CARMIL1: variants seen among roughly 807,000 people sequenced by gnomAD.
CARMIL1 encodes the protein F-actin-uncapping protein LRRC16A.
Under a neutral mutation model 177.1 loss-of-function variants are expected in CARMIL1, and 90 were observed. The observed-to-expected ratio is 0.51, with a 90% CI of 0.43 to 0.61. The LOEUF is 0.61. Ranked by LOEUF, CARMIL1 falls within the 20% of genes least tolerant of loss-of-function variation. The pLI is 0.00. For missense variants in CARMIL1, 1,380 were observed against 1,667.0 expected (o/e 0.83, Z 3.00); for synonymous variants, 577 against 606.2 (o/e 0.95, Z 0.71).
At chr6:25,432,294 T>A (rs1303998802) in intron 4 of CARMIL1, among the ~76,000 whole-genome samples, 1 of 152,210 alleles carries the variant, frequency 6.6e-6, no homozygotes. Context: ...GATTAGGAAT[T>A]CTTTTGTAAT....
intron 22 of CARMIL1, 34 bp downstream of exon 22, chr6:25,517,449 TAAAA>T: frequency 1.3e-6 from 2 of 1,562,716 alleles, no homozygotes; most frequent in Non-Finnish European, 1.8e-6. Context: ...TCTAGGAAAA[TAAAA>T]AAACAAAAAC....
chr6:25,423,804 G>C (rs1796065130), intron 3 of CARMIL1, among the ~76,000 whole-genome samples: 1 of 152,154 alleles, frequency 6.6e-6, no homozygotes. Flanking sequence ...ACTAATTTCT[G>C]TGGTGATATT....
At chr6:25,505,810 G>T (rs562436965) in intron 17 of CARMIL1, among the ~76,000 whole-genome samples, 54 of 152,190 alleles carry the variant, frequency 3.5e-4, no homozygotes, top group African/African-American at 1.2e-3. Flanking sequence ...ATTAAGAGAA[G>T]AATTGGTAAA....
intron 36 of CARMIL1, among the ~76,000 whole-genome samples, chr6:25,614,948 A>G (rs1409348579): frequency 6.6e-6 from 1 of 152,252 alleles, no homozygotes; most frequent in Non-Finnish European, 1.5e-5. Flanking sequence ...ATGGAACTAA[A>G]TAGGACCATC....
intron 29 of CARMIL1, among the ~76,000 whole-genome samples, chr6:25,559,048 G>A (rs1434841488): frequency 6.6e-6 from 1 of 152,074 alleles, no homozygotes; most frequent in African/African-American, 2.4e-5. Context: ...TTATACTATT[G>A]ATAATAATTT....
At chr6:25,345,818 T>C (rs139358959) in intron 2 of CARMIL1, among the ~76,000 whole-genome samples, 52 of 152,286 alleles carry the variant, frequency 3.4e-4, no homozygotes, top group African/African-American at 1.2e-3. Context: ...GGTTTCGCCA[T>C]GTTGGCTAGG....
chr6:25,597,119 G>A (rs961880612), intron 32 of CARMIL1, among the ~76,000 whole-genome samples: 1 of 152,152 alleles, frequency 6.6e-6, no homozygotes, highest in African/African-American at 2.4e-5. Context: ...GCAGAGAAGT[G>A]AAAGGAGAAT....
chr6:25,591,460 G>C (rs1814293990), intron 31 of CARMIL1, among the ~76,000 whole-genome samples: 1 of 152,304 alleles, frequency 6.6e-6, no homozygotes, highest in South Asian at 2.1e-4. Flanking sequence ...TCACGGCTGA[G>C]GTTTTTGCTC....
chr6:25,421,687 C>T (rs1366704659), intron 3 of CARMIL1, among the ~76,000 whole-genome samples: 15 of 71,744 alleles, frequency 2.1e-4, no homozygotes, highest in East Asian at 4.7e-4. Flanking sequence ...TGGAATACTA[C>T]GCAGCCATAA....
chr6:25,476,624 A>T (rs968182114), intron 11 of CARMIL1, among the ~76,000 whole-genome samples: 23 of 152,176 alleles, frequency 1.5e-4, no homozygotes, highest in Admixed American at 1.2e-3. Flanking sequence ...AGTGTAAAAT[A>T]TTTATTGAAA....
At chr6:25,614,035 T>C (rs578205278) in intron 36 of CARMIL1, among the ~76,000 whole-genome samples, 1 of 152,346 alleles carries the variant, frequency 6.6e-6, no homozygotes, top group South Asian at 2.1e-4. Context: ...AAACTTCTTA[T>C]GATACACTTC....
intron 2 of CARMIL1, among the ~76,000 whole-genome samples, chr6:25,405,331 A>G (rs938782355): frequency 6.6e-6 from 1 of 152,206 alleles, no homozygotes; most frequent in Non-Finnish European, 1.5e-5. Context: ...CATTGCCACT[A>G]AAATAATATA....
chr6:25,457,694 G>A (rs529132783), intron 8 of CARMIL1, among the ~76,000 whole-genome samples: 1 of 152,294 alleles, frequency 6.6e-6, no homozygotes, highest in East Asian at 1.9e-4. Context: ...AATCCATTGT[G>A]TGCATGCATG....
intron 36 of CARMIL1, chr6:25,612,824 A>G: frequency 1.0e-6 from 1 of 985,292 alleles, no homozygotes; most frequent in Non-Finnish European, 1.2e-6. Flanking sequence ...TCAAAACTGT[A>G]CTCCACCATT....
chr6:25,598,525 T>C (rs1432687726), intron 32 of CARMIL1, among the ~76,000 whole-genome samples: 1 of 152,144 alleles, frequency 6.6e-6, no homozygotes, highest in Non-Finnish European at 1.5e-5. Flanking sequence ...AGGCATGAAC[T>C]ACCATGCCCA....
chr6:25,341,355 C>T (rs1415772665), intron 2 of CARMIL1, among the ~76,000 whole-genome samples: 3 of 152,186 alleles, frequency 2.0e-5, no homozygotes, highest in African/African-American at 7.2e-5. Context: ...CTGAGTGGAA[C>T]TGATGGTGGC....
chr6:25,562,246 C>A (rs182240453), intron 29 of CARMIL1, among the ~76,000 whole-genome samples: 1 of 142,584 alleles, frequency 7.0e-6, no homozygotes, highest in African/African-American at 2.6e-5. Flanking sequence ...ACCCAGATAT[C>A]TTTTTTTTTT....
chr6:25,449,685 T>C lies in CARMIL1; in HGVS notation c.372-213T>C, dbSNP rs563662621. On this transcript the variant is annotated intron_variant, in intron 5 of 36. Transcript: ENST00000329474. ...TGGAGACTGCATTGCTAAATACCTT[T>C]CATCTACAAAGGAAAGTTATAGGGA... is the stretch of plus-strand genomic sequence containing the variant. Among the ~76,000 whole-genome samples, 15 of 152,346 alleles carry C rather than the reference T, an allele frequency of 9.8e-5. No homozygotes were observed. The South Asian group carries it at 1.9e-3, about 19-fold the overall frequency.
intron 2 of CARMIL1, among the ~76,000 whole-genome samples, chr6:25,330,178 G>A (rs1028248407): frequency 1.3e-5 from 2 of 152,194 alleles, no homozygotes; most frequent in African/African-American, 2.4e-5. Context: ...TGAACAGTAC[G>A]GTGTGGTAAG....
Sources: gnomAD v4.1 joint callset for allele counts (sites outside exome capture counted in the v4.1 genomes callset) on GRCh38, gnomAD v4.1.1 for gene constraint, MANE v1.5 for transcripts, NCBI Gene and HGNC (gene_info 2026-07-23, HGNC 2026-07-21) for gene names.